Variants in PEAK1 observed in about 807,000 individuals in gnomAD.
PEAK1 encodes the protein pseudopodium enriched atypical kinase 1.
In PEAK1, 54 loss-of-function variants were observed where a neutral mutation model predicts 124.7. The observed-to-expected ratio is 0.43, with a 90% CI of 0.35 to 0.54. The LOEUF is 0.54. PEAK1 is among the 20% of genes least tolerant of loss of function. The pLI, the probability that PEAK1 is intolerant of heterozygous loss-of-function variation, is 0.01. For synonymous variants in PEAK1, 719 were observed against 760.0 expected (o/e 0.95, Z 0.89); for missense variants, 2,046 against 2,134.5 (o/e 0.96, Z 0.82).
At chr15:77,121,013 T>C (rs1014608500) in intron 9 of PEAK1, among the ~76,000 whole-genome samples, 1 of 152,208 alleles carries the variant, frequency 6.6e-6, no homozygotes, top group African/African-American at 2.4e-5. Flanking sequence ...CTTCTATATC[T>C]TGTACATATC....
intron 8 of PEAK1, among the ~76,000 whole-genome samples, chr15:77,138,728 G>T (rs1001341663): frequency 6.6e-6 from 1 of 152,072 alleles, no homozygotes; most frequent in Non-Finnish European, 1.5e-5. Flanking sequence ...CAGGCATGGT[G>T]GCGCATGCCT....
chr15:77,391,370 G>A (rs904684952), intron 1 of PEAK1, among the ~76,000 whole-genome samples: 1 of 148,524 alleles, frequency 6.7e-6, no homozygotes, highest in Non-Finnish European at 1.5e-5. Context: ...GAATACCTCT[G>A]TGAACAAGAA....
At position 77,182,008 on chromosome 15, in the gene PEAK1, T is replaced by C. The variant is rs2057301110; in HGVS notation, c.-82A>G. On this transcript the variant is annotated 5_prime_UTR_variant, in exon 7 of 10. Transcript: ENST00000682557. The stretch of plus-strand genomic sequence containing the variant: ...CATCTGTTAGTTTTCACTTCCCCTA[T>C]GTGTTACAGCAGCTCTTCTAAGAAT... 2.7e-6 allele frequency: 4 copies of C among 1,497,008 alleles called. No individual in the cohort carries two copies. The highest frequency in any genetic ancestry group is 2.3e-5 in the Admixed American group (1 of 43,204). 92.7% of individuals were successfully genotyped at this position (1,497,008 alleles called of 1,614,324 possible).
At chr15:77,215,335 C>T (rs2059100647) in intron 6 of PEAK1, among the ~76,000 whole-genome samples, 1 of 150,724 alleles carries the variant, frequency 6.6e-6, no homozygotes, top group Non-Finnish European at 1.5e-5. Context: ...TTGTGGATTG[C>T]CTTTTTAATT....
At chr15:77,164,323 A>G (rs1028517906) in intron 7 of PEAK1, among the ~76,000 whole-genome samples, 7 of 152,154 alleles carry the variant, frequency 4.6e-5, no homozygotes, top group African/African-American at 1.7e-4. Context: ...CCTTTATCTG[A>G]TATCTGATGA....
chr15:77,419,050 A>T, intron 1 of PEAK1: 1 of 985,448 alleles, frequency 1.0e-6, no homozygotes, highest in Non-Finnish European at 1.2e-6. Flanking sequence ...AGCAAGGCCA[A>T]TAAAGATGAA....
rs754952326 is a variant in PEAK1, at chr15:77,114,680, C to T, written c.4717G>A (p.Asp1573Asn). The T allele has an allele frequency of 6.8e-6, 11 of 1,613,798 alleles. No homozygotes were observed. Among genetic ancestry groups the T allele is most frequent in the Non-Finnish European group, 9.3e-6 (11 of 1,179,972 alleles). Reference protein sequence around the residue: ...SHLVDPEILRDQSRLAPEIIT... With the variant: ...SHLVDPEILRNQSRLAPEIIT... The stretch of plus-strand genomic sequence containing the variant: ...ATCTCTGGGGCAAGGCGAGACTGGT[C>T]CCGGAGGATCTCGGGGTCCACCAGA... The change falls in exon 10 of 10, where the codon GAC becomes AAC. Residue 1573 changes from aspartate (D) to asparagine (N), a missense_variant. By Grantham distance (23) the Asp-to-Asn change is conservative. Transcript: ENST00000682557.
chr15:77,308,130 C>A (rs1034638412), intron 2 of PEAK1, among the ~76,000 whole-genome samples: 5 of 152,014 alleles, frequency 3.3e-5, no homozygotes, highest in Non-Finnish European at 7.4e-5. Context: ...AGATATTCAA[C>A]AGAATAAATA....
chr15:77,245,349 T>C (rs1469902360), intron 6 of PEAK1, among the ~76,000 whole-genome samples: 1 of 151,698 alleles, frequency 6.6e-6, no homozygotes, highest in African/African-American at 2.4e-5. Flanking sequence ...AGCAAGACTC[T>C]GTCTCAAATA....
intron 2 of PEAK1, among the ~76,000 whole-genome samples, chr15:77,303,950 A>C (rs1479498385): frequency 6.6e-6 from 1 of 152,226 alleles, no homozygotes; most frequent in East Asian, 1.9e-4. Context: ...CAATTGTTCC[A>C]GCACCATTTA....
chr15:77,135,759 C>T lies in PEAK1; in HGVS notation c.3332-2009G>A, dbSNP rs190884026. ...TGCACACGTTCTCTCTCTTTGCCTG[C>T]TGCCATCCACATACGATGTGACTTG... is the stretch of plus-strand genomic sequence containing the variant. On this transcript the variant is annotated intron_variant, in intron 8 of 9. Transcript: ENST00000682557. Among the ~76,000 whole-genome samples, 9 of 152,330 alleles carry T rather than the reference C, an allele frequency of 5.9e-5. No individual in the cohort carries two copies. In the East Asian group the frequency reaches 1.7e-3, roughly 29 times the overall value.
At chr15:77,343,579 T>C (rs914154163) in intron 2 of PEAK1, among the ~76,000 whole-genome samples, 1 of 148,826 alleles carries the variant, frequency 6.7e-6, no homozygotes, top group African/African-American at 2.5e-5. Context: ...GTCCACCCCC[T>C]GGGTTCAATG....
intron 2 of PEAK1, among the ~76,000 whole-genome samples, chr15:77,292,118 A>T (rs960207210): frequency 6.6e-6 from 1 of 152,176 alleles, no homozygotes; most frequent in Non-Finnish European, 1.5e-5. Context: ...ACACACAATG[A>T]TTCTTGTTAT....
chr15:77,246,478 GACCTC>G lies in PEAK1; in HGVS notation c.-115+5884_-115+5888del, dbSNP rs1313286505. 3.9e-5 allele frequency among the ~76,000 whole-genome samples: 6 copies of G among 152,224 alleles called. No homozygotes were observed. In the East Asian group the frequency reaches 1.2e-3, roughly 29 times the overall value. On this transcript the variant is annotated intron_variant, in intron 6 of 9. Coordinates refer to ENST00000682557, the MANE Select transcript of PEAK1 (RefSeq NM_001385026.1). Reference sequence around the variant, plus strand: ...GGTTGAGGCTACAGTGAGCGGTCTGGACCTCCAGCCTGGGTGGCGGAGTAAGACTT... The same window carrying G: ...GGTTGAGGCTACAGTGAGCGGTCTGGCAGCCTGGGTGGCGGAGTAAGACTT...
At chr15:77,334,600 T>A in intron 2 of PEAK1, 1 of 985,386 alleles carries the variant, frequency 1.0e-6, no homozygotes, top group Non-Finnish European at 1.2e-6. Context: ...CTAGCATAAA[T>A]GCCTACAATT....
chr15:77,295,276 G>A (rs1029856947), intron 2 of PEAK1, among the ~76,000 whole-genome samples: 8 of 151,658 alleles, frequency 5.3e-5, no homozygotes, highest in Admixed American at 5.3e-4. Context: ...TCATTTATAA[G>A]AGTGTTATAT....
At chr15:77,404,542 T>G in intron 1 of PEAK1, 1 of 664,090 alleles carries the variant, frequency 1.5e-6, no homozygotes, top group Non-Finnish European at 1.9e-6. Context: ...TTCACCTGCT[T>G]TTTTGTACTT....
At chr15:77,417,508 AAT>A in intron 1 of PEAK1, 1 of 984,892 alleles carries the variant, frequency 1.0e-6, no homozygotes, top group Non-Finnish European at 1.2e-6. Flanking sequence ...GAGATCAGCA[AAT>A]GACAGAATAA....
intron 1 of PEAK1, chr15:77,418,721 T>C: frequency 9.1e-6 from 9 of 985,430 alleles, no homozygotes; most frequent in Non-Finnish European, 1.1e-5. Context: ...AGATTGCTCA[T>C]GGAAAGTTTT....
Sources: gnomAD v4.1 joint callset for allele counts (sites outside exome capture counted in the v4.1 genomes callset) on GRCh38, gnomAD v4.1.1 for gene constraint, MANE v1.5 for transcripts, NCBI Gene and HGNC (gene_info 2026-07-23, HGNC 2026-07-21) for gene names.